CDC73: variants seen among roughly 807,000 people sequenced by gnomAD.
The protein encoded by CDC73 is cell division cycle 73.
Under a neutral mutation model 83.7 loss-of-function variants are expected in CDC73, and 21 were observed. That is an observed-to-expected ratio of 0.25 (90% CI 0.18 to 0.36). The LOEUF (loss-of-function observed/expected upper bound fraction) is 0.36. Ranked by LOEUF, CDC73 falls within the 10% of genes least tolerant of loss-of-function variation. The pLI, the probability that CDC73 is intolerant of heterozygous loss-of-function variation, is 1.00. For synonymous variants in CDC73, 224 were observed against 212.9 expected, an observed-to-expected ratio of 1.05 and a Z score of -0.45; for missense variants, 342 against 653.3, an observed-to-expected ratio of 0.52 and a Z score of 5.19.
intron 3 of CDC73, among the ~76,000 whole-genome samples, chr1:193,132,068 T>G (rs1303450126): frequency 6.6e-6 from 1 of 152,208 alleles, no homozygotes; most frequent in Non-Finnish European, 1.5e-5. Flanking sequence ...AAATGAGTAA[T>G]TATTAATTTA....
chr1:193,180,372 T>A, intron 10 of CDC73: 1 of 1,613,352 alleles, frequency 6.2e-7, no homozygotes, highest in South Asian at 1.1e-5. Context: ...TATTTTGTTG[T>A]AAATGGTTCC....
At chr1:193,149,395 A>G (rs1256550605) in intron 8 of CDC73, among the ~76,000 whole-genome samples, 1 of 151,532 alleles carries the variant, frequency 6.6e-6, no homozygotes, top group Non-Finnish European at 1.5e-5. Flanking sequence ...TTTTTAAAGT[A>G]GTGGAGTAAG....
At chr1:193,142,582 G>A (rs1051808974) in intron 7 of CDC73, among the ~76,000 whole-genome samples, 1 of 151,988 alleles carries the variant, frequency 6.6e-6, no homozygotes, top group Non-Finnish European at 1.5e-5. Context: ...CAAAGATTGT[G>A]CAGTTTTTCT....
chr1:193,193,791 GTGTGT>G (rs1676958219), intron 10 of CDC73, among the ~76,000 whole-genome samples: 1 of 134,914 alleles, frequency 7.4e-6, no homozygotes, highest in East Asian at 2.0e-4. Context: ...GTGTGTGTGT[GTGTGT>G]GTGTGTGTGT....
At chr1:193,227,622 C>A (rs1307727904) in intron 13 of CDC73, among the ~76,000 whole-genome samples, 1 of 152,032 alleles carries the variant, frequency 6.6e-6, no homozygotes, top group African/African-American at 2.4e-5. Flanking sequence ...AAGGTAAATT[C>A]ATAGTGAAAT....
At chr1:193,198,832 A>G (rs1369993353) in intron 10 of CDC73, among the ~76,000 whole-genome samples, 2 of 152,240 alleles carry the variant, frequency 1.3e-5, no homozygotes, top group Non-Finnish European at 2.9e-5. Flanking sequence ...TGACCTGGGC[A>G]AGTAACTGGT....
intron 10 of CDC73, among the ~76,000 whole-genome samples, chr1:193,171,544 A>G (rs1676518428): frequency 6.6e-6 from 1 of 152,172 alleles, no homozygotes; most frequent in African/African-American, 2.4e-5. Context: ...TCAGGAGGCC[A>G]CTTGGTTCAT....
At chr1:193,147,281 C>T (rs143748916) in intron 7 of CDC73, among the ~76,000 whole-genome samples, 7 of 152,160 alleles carry the variant, frequency 4.6e-5, no homozygotes, top group African/African-American at 4.8e-5. Flanking sequence ...CACGAGCCAC[C>T]GTGCCCGGCC....
rs780906083 is a variant in CDC73 at position 193,233,086 on chromosome 1, C to T, written c.1248C>T (p.Gly416=). 12 of 1,611,960 alleles carry T rather than the reference C, an allele frequency of 7.4e-6. No individual in the cohort carries two copies. Among genetic ancestry groups the T allele is most frequent in the Non-Finnish European group, 9.3e-6 (11 of 1,178,170 alleles). Reference sequence around the variant, plus strand: ...GAAAAGACCAGATGCAACCAGGGGGCACTGCAATTAGTGTTACAGTACCTT... The same window carrying T: ...GAAAAGACCAGATGCAACCAGGGGGTACTGCAATTAGTGTTACAGTACCTT... ...QRRKDQMQPG[G]TAISVTVPYR... is the part of the protein sequence containing the mutation. The change falls in exon 14 of 17, where the codon GGC becomes GGT. Residue 416 remains glycine, a synonymous_variant. Transcript: ENST00000367435.
intron 7 of CDC73, among the ~76,000 whole-genome samples, chr1:193,147,044 G>A (rs925850138): frequency 6.6e-6 from 1 of 151,814 alleles, no homozygotes; most frequent in African/African-American, 2.4e-5. Flanking sequence ...CCAGGGTGGA[G>A]TGCAGTGGCG....
intron 15 of CDC73, among the ~76,000 whole-genome samples, chr1:193,247,141 C>CT (rs776737683): frequency 7.9e-5 from 12 of 152,028 alleles, no homozygotes; most frequent in Non-Finnish European, 1.5e-4. Flanking sequence ...TTGTGGCAAC[C>CT]TTGTGTGTTG....
At chr1:193,162,310 T>C (rs1479373016) in intron 10 of CDC73, among the ~76,000 whole-genome samples, 1 of 121,534 alleles carries the variant, frequency 8.2e-6, no homozygotes, top group Non-Finnish European at 1.6e-5. Flanking sequence ...ATACTATATA[T>C]TATATATCAT....
rs1558312766 is a variant in CDC73, at chr1:193,212,052, T to C, written c.1031-13T>C. 3 of 1,573,834 alleles carry C rather than the reference T, an allele frequency of 1.9e-6. No homozygotes were observed. Among genetic ancestry groups the C allele is most frequent in the East Asian group, 2.3e-5 (1 of 43,946 alleles). On this transcript the variant is annotated splice_polypyrimidine_tract_variant and intron_variant, in intron 11 of 16. Coordinates refer to ENST00000367435, the MANE Select transcript of CDC73 (RefSeq NM_024529.5). ...TTATGACACAGAGTTGTGATTTTTT[T>C]TCTTTTTCACAGTTTCTCAAGCAAG...
At chr1:193,160,975 T>A (rs1472972031) in intron 10 of CDC73, 1 of 157,654 alleles carries the variant, frequency 6.3e-6, no homozygotes, top group African/African-American at 2.4e-5. Flanking sequence ...TTTTATATAA[T>A]TCCTGCATTC....
At chr1:193,171,033 C>T (rs905853813) in intron 10 of CDC73, among the ~76,000 whole-genome samples, 35 of 152,214 alleles carry the variant, frequency 2.3e-4, no homozygotes, top group African/African-American at 8.2e-4. Context: ...GTGATAACTG[C>T]TGTCTTTCAA....
At chr1:193,227,023 G>T (rs1312981483) in intron 13 of CDC73, among the ~76,000 whole-genome samples, 4 of 151,866 alleles carry the variant, frequency 2.6e-5, no homozygotes, top group South Asian at 4.1e-4. Context: ...AGGGTATCCA[G>T]TTCTTCCTGA....
intron 10 of CDC73, among the ~76,000 whole-genome samples, chr1:193,193,780 AGTGTGTGTGTGTGT>A (rs71111459): frequency 5.0e-4 from 68 of 135,912 alleles, no homozygotes; most frequent in East Asian, 1.1e-3. Flanking sequence ...TCTTACTTGT[AGTGTGTGTGTGTGT>A]GTGTGTGTGT....
chr1:193,126,348 C>A (rs1489417744), intron 2 of CDC73, among the ~76,000 whole-genome samples: 1 of 152,064 alleles, frequency 6.6e-6, no homozygotes, highest in African/African-American at 2.4e-5. Context: ...AAATTTATTA[C>A]TCAGAGGAAA....
intron 11 of CDC73, among the ~76,000 whole-genome samples, chr1:193,207,274 A>G (rs1677203365): frequency 6.6e-6 from 1 of 152,202 alleles, no homozygotes; most frequent in Admixed American, 6.5e-5. Context: ...AAAGGGCAAT[A>G]AAGATCACAA....
Sources: gnomAD v4.1 joint callset for allele counts (sites outside exome capture counted in the v4.1 genomes callset) on GRCh38, gnomAD v4.1.1 for gene constraint, MANE v1.5 for transcripts, NCBI Gene and HGNC (gene_info 2026-07-23, HGNC 2026-07-21) for gene names.